PDE1A: variants seen among roughly 807,000 people sequenced by gnomAD.
PDE1A encodes the protein phosphodiesterase 1A, also known as dual specificity calcium/calmodulin-dependent 3',5'-cyclic nucleotide phosphodiesterase 1A.
In PDE1A, 35 loss-of-function variants were observed where a neutral mutation model predicts 61.7. The ratio of observed to expected loss-of-function variants is 0.57; its 90% confidence interval spans 0.43 to 0.75. PDE1A has a LOEUF of 0.75. PDE1A is among the 30% of genes least tolerant of loss of function. The pLI is 0.00. For synonymous variants in PDE1A, 232 were observed against 213.2 expected (o/e 1.09, Z -0.77); for missense variants, 597 against 630.6 (o/e 0.95, Z 0.57).
At chr2:182,600,325 A>G in the PDE1A span, among the ~76,000 whole-genome samples, 1 of 152,216 alleles carries the variant, frequency 6.6e-6, no homozygotes, top group Non-Finnish European at 1.5e-5. Flanking sequence ...CATAGAGAGT[A>G]CTCAACATTA....
intron 1 of PDE1A, among the ~76,000 whole-genome samples, chr2:182,289,835 GTGA>G: frequency 6.6e-6 from 1 of 152,062 alleles, no homozygotes; most frequent in South Asian, 2.1e-4. Context: ...AATAAAATCA[GTGA>G]TGATTTTCAA....
chr2:182,530,637 C>A, the PDE1A span, among the ~76,000 whole-genome samples: 1 of 152,016 alleles, frequency 6.6e-6, no homozygotes, highest in Admixed American at 6.5e-5. Context: ...TCAAGTACTA[C>A]AAGAAAAGAT....
the PDE1A span, among the ~76,000 whole-genome samples, chr2:182,563,752 C>CATATATATTT: frequency 1.2e-4 from 18 of 152,146 alleles, no homozygotes; most frequent in Non-Finnish European, 2.1e-4. Flanking sequence ...GTATTGGGTG[C>CATATATATTT]ATATATATTT....
Position 182,424,300 on chromosome 2 carries a change from C to A in PDE1A, c.53+2278G>T, listed in dbSNP as rs572462934. On this transcript the variant is annotated intron_variant, in intron 1 of 13. Coordinates refer to ENST00000351439, the Ensembl canonical transcript of PDE1A. ...GAATTACTTTTAAACAGCCAAGATA[C>A]TATTTTCATAAAATGTCCATTAAGC... 2.0e-5 allele frequency among the ~76,000 whole-genome samples: 3 copies of A among 152,296 alleles called. No homozygotes were observed. The South Asian group carries it at 6.2e-4, about 32-fold the overall frequency.
the PDE1A span, among the ~76,000 whole-genome samples, chr2:182,679,526 G>A: frequency 6.6e-6 from 1 of 151,564 alleles, no homozygotes; most frequent in Non-Finnish European, 1.5e-5. Flanking sequence ...TGATCATTAC[G>A]CATTGTATAC....
intron 1 of PDE1A, among the ~76,000 whole-genome samples, chr2:182,399,530 T>C (rs1465420176): frequency 6.6e-6 from 1 of 152,106 alleles, no homozygotes; most frequent in Non-Finnish European, 1.5e-5. Flanking sequence ...AGTCTTCTCA[T>C]TCCTTTTACC....
At chr2:182,476,987 G>T (rs1189452006) in intron 2 of PDE1A, among the ~76,000 whole-genome samples, 1 of 151,300 alleles carries the variant, frequency 6.6e-6, no homozygotes, top group African/African-American at 2.4e-5. Context: ...CATGAAAGAA[G>T]ATACAACAAT....
the PDE1A span, among the ~76,000 whole-genome samples, chr2:182,690,410 T>C: frequency 2.6e-5 from 4 of 152,014 alleles, no homozygotes; most frequent in Non-Finnish European, 5.9e-5. Context: ...AGCATGTAAA[T>C]AGAACCAGAG....
At chr2:182,410,798 G>A (rs1197113118) in intron 1 of PDE1A, among the ~76,000 whole-genome samples, 3 of 152,122 alleles carry the variant, frequency 2.0e-5, no homozygotes, top group African/African-American at 4.8e-5. Context: ...GATTTCCACT[G>A]ACAAGACACA....
the PDE1A span, among the ~76,000 whole-genome samples, chr2:182,533,173 T>C: frequency 4.6e-5 from 7 of 151,916 alleles, no homozygotes; most frequent in Non-Finnish European, 1.0e-4. Context: ...TAGCTGGGTG[T>C]AGTGGCGCAT....
the PDE1A span, among the ~76,000 whole-genome samples, chr2:182,611,688 T>G: frequency 3.3e-5 from 5 of 152,080 alleles, no homozygotes; most frequent in Admixed American, 6.6e-5. Context: ...CTTTAGTAAT[T>G]ATTTAAACAT....
At chr2:182,506,441 C>T (rs1003986408) in intron 2 of PDE1A, among the ~76,000 whole-genome samples, 1 of 152,186 alleles carries the variant, frequency 6.6e-6, no homozygotes, top group Non-Finnish European at 1.5e-5. Flanking sequence ...CAAATCAGCT[C>T]TCAGCTGCTA....
chr2:182,155,702 C>T (rs895607791), intron 13 of PDE1A, among the ~76,000 whole-genome samples: 3 of 152,096 alleles, frequency 2.0e-5, no homozygotes, highest in Non-Finnish European at 4.4e-5. Flanking sequence ...TCAGCCTGAC[C>T]AACAAGGAGA....
chr2:182,543,925 C>T, the PDE1A span, among the ~76,000 whole-genome samples: 1 of 152,098 alleles, frequency 6.6e-6, no homozygotes, highest in African/African-American at 2.4e-5. Flanking sequence ...ACACATGGGT[C>T]CTGCCAACTC....
intron 7 of PDE1A, among the ~76,000 whole-genome samples, chr2:182,212,209 G>A (rs201292222): frequency 3.4e-4 from 37 of 108,728 alleles, no homozygotes; most frequent in East Asian, 1.9e-3. Flanking sequence ...TATATATTAC[G>A]TACGAGATAA....
chr2:182,323,946 C>T (rs529567934), intron 1 of PDE1A, among the ~76,000 whole-genome samples: 1 of 152,204 alleles, frequency 6.6e-6, no homozygotes, highest in African/African-American at 2.4e-5. Context: ...TCAGGCACAG[C>T]ATAGATTTTC....
intron 2 of PDE1A, among the ~76,000 whole-genome samples, chr2:182,440,962 T>A (rs903531273): frequency 2.0e-5 from 3 of 152,076 alleles, no homozygotes; most frequent in Non-Finnish European, 4.4e-5. Flanking sequence ...TGTGTACTAG[T>A]CCATTCTCAT....
intron 2 of PDE1A, among the ~76,000 whole-genome samples, chr2:182,509,160 A>G (rs1392153745): frequency 6.6e-6 from 1 of 152,220 alleles, no homozygotes; most frequent in Non-Finnish European, 1.5e-5. Flanking sequence ...TTGGTGTACC[A>G]AAGGCCAAAT....
intron 6 of PDE1A, among the ~76,000 whole-genome samples, chr2:182,224,653 T>A (rs1003030538): frequency 6.6e-6 from 1 of 151,952 alleles, no homozygotes. Context: ...CATTTAGAAA[T>A]AATTCAATAG....
Sources: allele counts gnomAD v4.1 joint callset (sites outside exome capture counted in the v4.1 genomes callset), GRCh38; gene constraint gnomAD v4.1.1; transcripts MANE v1.5; gene names NCBI Gene and HGNC (gene_info 2026-07-23, HGNC 2026-07-21).